IFT81: variants seen among roughly 807,000 people sequenced by gnomAD.
The protein encoded by IFT81 is intraflagellar transport protein 81 homolog.
Under a neutral mutation model 102.6 loss-of-function variants are expected in IFT81, and 72 were observed. The ratio of observed to expected loss-of-function variants is 0.70; its 90% CI spans 0.58 to 0.85. IFT81 has a LOEUF of 0.85. IFT81 is among the 40% of genes least tolerant of loss of function. The pLI is 0.00. For missense variants in IFT81, 723 were observed against 787.3 expected (o/e 0.92, Z 0.98); for synonymous variants, 237 against 242.7 (o/e 0.98, Z 0.22).
At chr12:110,161,312 A>G (rs1160150347) in intron 10 of IFT81, among the ~76,000 whole-genome samples, 5 of 150,396 alleles carry the variant, frequency 3.3e-5, no homozygotes, top group Admixed American at 3.3e-4. Flanking sequence ...GGCTTGGTGT[A>G]TTTTTTTGTA....
chr12:110,206,936 A>G (rs1868712064), intron 17 of IFT81, among the ~76,000 whole-genome samples: 1 of 152,184 alleles, frequency 6.6e-6, no homozygotes, highest in Admixed American at 6.5e-5. Flanking sequence ...AAATTTTTAT[A>G]AATTAAGTTC....
At chr12:110,161,370 A>G (rs1261723593) in intron 10 of IFT81, among the ~76,000 whole-genome samples, 2 of 150,274 alleles carry the variant, frequency 1.3e-5, no homozygotes, top group Non-Finnish European at 3.0e-5. Context: ...CTGGTCTTGA[A>G]CTCCTGACCT....
At chr12:110,183,865 T>C (rs554550242) in intron 12 of IFT81, among the ~76,000 whole-genome samples, 1 of 152,280 alleles carries the variant, frequency 6.6e-6, no homozygotes, top group East Asian at 1.9e-4. Context: ...GCACCCTTTT[T>C]CTTCTCTGTC....
intron 11 of IFT81, among the ~76,000 whole-genome samples, chr12:110,178,886 G>A (rs1040072282): frequency 2.6e-5 from 4 of 151,432 alleles, no homozygotes; most frequent in Admixed American, 1.3e-4. Flanking sequence ...CAAAGTGTTA[G>A]GATTATAGGC....
At chr12:110,138,652 T>C (rs866802152) in intron 8 of IFT81, among the ~76,000 whole-genome samples, 6 of 152,134 alleles carry the variant, frequency 3.9e-5, no homozygotes, top group African/African-American at 1.4e-4. Flanking sequence ...AGGCTGGTCT[T>C]GAACTCCCGA....
intron 12 of IFT81, among the ~76,000 whole-genome samples, chr12:110,186,535 A>G (rs1433976223): frequency 6.6e-6 from 1 of 150,922 alleles, no homozygotes; most frequent in Admixed American, 6.6e-5. Flanking sequence ...TTTTTTTGAG[A>G]CAGGGTCTCA....
At chr12:110,125,742 G>A (rs1443778643) in intron 1 of IFT81, among the ~76,000 whole-genome samples, 2 of 152,302 alleles carry the variant, frequency 1.3e-5, no homozygotes, top group East Asian at 3.9e-4. Flanking sequence ...ATTTACCTAG[G>A]TAAAGCTGTT....
chr12:110,178,144 T>C (rs1300687470), intron 11 of IFT81, among the ~76,000 whole-genome samples: 4 of 147,642 alleles, frequency 2.7e-5, no homozygotes, highest in Non-Finnish European at 5.9e-5. Context: ...CTGGGCACAG[T>C]TGCTCATGCC....
chr12:110,174,839 C>T (rs1172142293), intron 11 of IFT81, among the ~76,000 whole-genome samples: 1 of 152,078 alleles, frequency 6.6e-6, no homozygotes, highest in African/African-American at 2.4e-5. Context: ...ACAGGGGAGC[C>T]GAGTCTTTAA....
chr12:110,196,470 A>AGATTATGCCACTG (rs1898006371), intron 14 of IFT81, among the ~76,000 whole-genome samples: 1 of 152,226 alleles, frequency 6.6e-6, no homozygotes, highest in Non-Finnish European at 1.5e-5. Context: ...CAGTGAGCTG[A>AGATTATGCCACTG]GATTATGCCA....
At chr12:110,126,030 G>A (rs1893817876) in intron 1 of IFT81, among the ~76,000 whole-genome samples, 1 of 152,164 alleles carries the variant, frequency 6.6e-6, no homozygotes, top group Non-Finnish European at 1.5e-5. Flanking sequence ...TGTAATTCCA[G>A]CACTTTGGGA....
At chr12:110,188,071 G>A (rs566527616) in intron 12 of IFT81, among the ~76,000 whole-genome samples, 3 of 152,238 alleles carry the variant, frequency 2.0e-5, no homozygotes, top group Admixed American at 1.3e-4. Context: ...GGTGGCTCAC[G>A]CCTGTAATCC....
chr12:110,142,010 G>A (rs900868959), intron 8 of IFT81, among the ~76,000 whole-genome samples: 4 of 152,178 alleles, frequency 2.6e-5, no homozygotes, highest in Non-Finnish European at 4.4e-5. Flanking sequence ...GAAAATCTGT[G>A]TGTATAGTTG....
intron 17 of IFT81, among the ~76,000 whole-genome samples, chr12:110,208,182 C>T (rs764331201): frequency 2.0e-5 from 3 of 152,092 alleles, no homozygotes; most frequent in African/African-American, 4.8e-5. Flanking sequence ...TATACACACA[C>T]GTATACATAC....
chr12:110,173,312 G>A (rs574028528), intron 11 of IFT81, among the ~76,000 whole-genome samples: 1 of 147,866 alleles, frequency 6.8e-6, no homozygotes, highest in African/African-American at 2.5e-5. Flanking sequence ...CTCTCTGCCC[G>A]GCCAGCCACC....
chr12:110,136,773 A>G lies in IFT81; in HGVS notation c.697-3A>G. On this transcript the variant is annotated splice_polypyrimidine_tract_variant and splice_region_variant and intron_variant, in intron 7 of 18. Coordinates refer to ENST00000242591, the MANE Select transcript of IFT81 (RefSeq NM_014055.4). ...AAGTAATCTATTTAATTGTATTTTAAAGCTATTTCATGCAGTGCAAAGATT... is the reference window on the plus strand; with the variant it reads ...AAGTAATCTATTTAATTGTATTTTAGAGCTATTTCATGCAGTGCAAAGATT... The G allele has an allele frequency of 6.3e-7, 1 of 1,592,338 alleles. No homozygotes were observed. Among genetic ancestry groups the G allele is most frequent in the South Asian group, 1.1e-5 (1 of 88,922 alleles).
At chr12:110,131,112 T>C (rs1454790118) in intron 4 of IFT81, among the ~76,000 whole-genome samples, 1 of 151,716 alleles carries the variant, frequency 6.6e-6, no homozygotes, top group Non-Finnish European at 1.5e-5. Context: ...GTGAAACCCA[T>C]CTCTACAAAA....
At chr12:110,148,550 A>T (rs904066354) in intron 10 of IFT81, among the ~76,000 whole-genome samples, 2 of 151,064 alleles carry the variant, frequency 1.3e-5, no homozygotes, top group Admixed American at 1.3e-4. Flanking sequence ...ATCTCGGCTC[A>T]CTGCAACCTC....
chr12:110,143,387 A>G lies in IFT81; in HGVS notation c.787A>G (p.Met263Val), dbSNP rs1593293455. The G allele has an allele frequency of 7.5e-7, 1 of 1,327,600 alleles. No individual in the cohort carries two copies. The highest frequency in any genetic ancestry group is 1.5e-5 in the South Asian group (1 of 65,654). 82.2% of individuals were successfully genotyped at this position (1,327,600 alleles called of 1,614,324 possible). Residue 263 changes from methionine (M) to valine (V), a missense_variant, in exon 9 of 19, where the codon ATG (methionine) becomes GTG (valine). By Grantham distance (21) the Met-to-Val change is conservative. Coordinates refer to ENST00000242591, the MANE Select transcript of IFT81 (RefSeq NM_014055.4). The part of the protein sequence containing the change: ...AAADAKPESL[M>V]KRLEEEIKFN... ...TATTTATTTTATTTTTAAAGGTTTA[A>G]TGAAGAGGCTAGAGGAGGAGATAAA...
Sources: allele counts gnomAD v4.1 joint callset (sites outside exome capture counted in the v4.1 genomes callset), GRCh38; gene constraint gnomAD v4.1.1; transcripts MANE v1.5; gene names NCBI Gene and HGNC (gene_info 2026-07-23, HGNC 2026-07-21).